MACROD2: variants seen among roughly 807,000 people sequenced by gnomAD.
MACROD2 encodes ADP-ribose glycohydrolase MACROD2.
A neutral mutation model predicts 70.4 loss-of-function variants in MACROD2; 36 were observed. That is an observed-to-expected ratio of 0.51 (90% CI 0.39 to 0.68). The LOEUF (loss-of-function observed/expected upper bound fraction) is 0.68, where lower values mean the gene tolerates loss of function less well. Ranked by LOEUF, MACROD2 falls within the 30% of genes least tolerant of loss-of-function variation. The pLI, the probability that MACROD2 is intolerant of heterozygous loss-of-function variation, is 0.00. For missense variants in MACROD2, 496 were observed against 538.4 expected, an observed-to-expected ratio of 0.92 and a Z score of 0.78; for synonymous variants, 172 against 178.8, an observed-to-expected ratio of 0.96 and a Z score of 0.30.
chr20:14,169,453 T>G (rs1174626764), intron 3 of MACROD2, among the ~76,000 whole-genome samples: 2 of 151,292 alleles, frequency 1.3e-5, no homozygotes, highest in African/African-American at 4.9e-5. Context: ...TACAGGCATG[T>G]GCCACCACGC....
intron 10 of MACROD2, among the ~76,000 whole-genome samples, chr20:15,886,207 C>T (rs2064820122): frequency 6.6e-6 from 1 of 152,142 alleles, no homozygotes; most frequent in Admixed American, 6.5e-5. Flanking sequence ...AAGCTGGGAC[C>T]ATCTGAAGAT....
chr20:15,943,627 A>G (rs767606883), intron 12 of MACROD2, among the ~76,000 whole-genome samples: 3 of 152,140 alleles, frequency 2.0e-5, no homozygotes, highest in Non-Finnish European at 4.4e-5. Context: ...TACATTTATA[A>G]CAATGTAGTC....
chr20:15,262,883 A>T (rs2077261157), intron 6 of MACROD2, among the ~76,000 whole-genome samples: 1 of 151,494 alleles, frequency 6.6e-6, no homozygotes, highest in Non-Finnish European at 1.5e-5. Flanking sequence ...TGGCCAGATT[A>T]TTAGTTTTAT....
intron 9 of MACROD2, among the ~76,000 whole-genome samples, chr20:15,869,864 G>A (rs1168865880): frequency 6.6e-6 from 1 of 151,912 alleles, no homozygotes; most frequent in Non-Finnish European, 1.5e-5. Flanking sequence ...CTCAAATATT[G>A]ACAGACATGT....
At chr20:15,496,513 A>G (rs902321751) in intron 7 of MACROD2, among the ~76,000 whole-genome samples, 1 of 152,224 alleles carries the variant, frequency 6.6e-6, no homozygotes, top group African/African-American at 2.4e-5. Flanking sequence ...CCATGGTTCT[A>G]TGACAACTTG....
chr20:14,180,246 T>C (rs1423266957), intron 3 of MACROD2, among the ~76,000 whole-genome samples: 2 of 152,154 alleles, frequency 1.3e-5, no homozygotes, highest in South Asian at 4.1e-4. Context: ...TTGTTGCTTA[T>C]TATAGCTGAA....
intron 3 of MACROD2, among the ~76,000 whole-genome samples, chr20:14,215,335 TATACACACAC>T (rs1185321550): frequency 0.015 from 1,476 of 101,724 alleles, 15 homozygotes; most frequent in South Asian, 0.055. Flanking sequence ...TGCCATCATA[TATACACACAC>T]ACACACACAC....
chr20:14,318,685 C>T (rs1440846171), intron 3 of MACROD2, among the ~76,000 whole-genome samples: 1 of 152,070 alleles, frequency 6.6e-6, no homozygotes, highest in East Asian at 1.9e-4. Flanking sequence ...TAAGAGTTTC[C>T]ACCCACCTCT....
intron 6 of MACROD2, among the ~76,000 whole-genome samples, chr20:15,365,771 A>G (rs1175478701): frequency 6.6e-6 from 1 of 152,196 alleles, no homozygotes; most frequent in Non-Finnish European, 1.5e-5. Flanking sequence ...TTGATAAATT[A>G]CATTTCTTTA....
intron 3 of MACROD2, among the ~76,000 whole-genome samples, chr20:14,423,411 T>C (rs116394159): frequency 0.015 from 2,278 of 151,784 alleles, 48 homozygotes; most frequent in African/African-American, 0.051. Flanking sequence ...GTTTAAGAAC[T>C]TGATGCGGCC....
chr20:15,236,090 A>G (rs963750632), intron 6 of MACROD2, among the ~76,000 whole-genome samples: 7 of 152,226 alleles, frequency 4.6e-5, no homozygotes, highest in South Asian at 4.1e-4. Context: ...ACAGCAGTGT[A>G]TTCCTATACA....
chr20:14,260,121 G>T (rs1213931019), intron 3 of MACROD2, among the ~76,000 whole-genome samples: 1 of 152,132 alleles, frequency 6.6e-6, no homozygotes, highest in Non-Finnish European at 1.5e-5. Flanking sequence ...GATATTAGTA[G>T]AAATGCCACA....
rs1463409873 is a variant in MACROD2 at position 14,619,498 on chromosome 20, AGGAAGGAAGGAGGAAAGGAGGGAAGG to A, written c.302-65344_302-65319del. Reference sequence around the variant, plus strand: ...AGGAAAGGAAGGAAGGAGGGAGGGGAGGAAGGAAGGAGGAAAGGAGGGAAGGAGGGAGGGAAGGAAGGAAGGAAAGA... The same window carrying A: ...AGGAAAGGAAGGAAGGAGGGAGGGGAAGGGAGGGAAGGAAGGAAGGAAAGA... On this transcript the variant is annotated intron_variant, in intron 4 of 17. Coordinates refer to ENST00000684519, the MANE Select transcript of MACROD2 (RefSeq NM_001351661.2). Among the ~76,000 whole-genome samples, 12 of 105,270 alleles carry A rather than the reference AGGAAGGAAGGAGGAAAGGAGGGAAGG, an allele frequency of 1.1e-4. No homozygotes were observed. The South Asian group carries it at 1.6e-3, about 14-fold the overall frequency. 69.1% of individuals were successfully genotyped at this position (105,270 alleles called of 152,430 possible).
chr20:14,983,697 T>C (rs1484616509), intron 5 of MACROD2, among the ~76,000 whole-genome samples: 2 of 152,136 alleles, frequency 1.3e-5, no homozygotes, highest in Admixed American at 1.3e-4. Context: ...TAAACCCCTT[T>C]CTTTTGTAAA....
At chr20:14,786,513 A>G (rs2072376413) in intron 5 of MACROD2, among the ~76,000 whole-genome samples, 1 of 151,940 alleles carries the variant, frequency 6.6e-6, no homozygotes, top group Non-Finnish European at 1.5e-5. Context: ...TTCAAAAGAA[A>G]TTGAGCTGAA....
At chr20:15,230,212 A>G in intron 6 of MACROD2, 151 bp downstream of exon 6, 1 of 636,636 alleles carries the variant, frequency 1.6e-6, no homozygotes, top group East Asian at 3.0e-5. Context: ...TCATGACTCT[A>G]ATCTTTGATG....
chr20:15,800,670 C>G (rs1224277766), intron 8 of MACROD2, among the ~76,000 whole-genome samples: 2 of 152,084 alleles, frequency 1.3e-5, no homozygotes, highest in Non-Finnish European at 2.9e-5. Context: ...GCCCGGCCAC[C>G]ACCCCGTCTG....
intron 5 of MACROD2, among the ~76,000 whole-genome samples, chr20:14,746,039 A>G (rs556331005): frequency 3.9e-5 from 6 of 152,140 alleles, no homozygotes; most frequent in Non-Finnish European, 7.4e-5. Flanking sequence ...GCTGCTCTCA[A>G]ATTACCACCT....
At chr20:14,989,716 T>C (rs1600916055) in intron 5 of MACROD2, among the ~76,000 whole-genome samples, 1 of 152,136 alleles carries the variant, frequency 6.6e-6, no homozygotes, top group Non-Finnish European at 1.5e-5. Flanking sequence ...AATGAGCATA[T>C]AATAAGGTCC....
Sources: gnomAD v4.1 joint callset for allele counts (sites outside exome capture counted in the v4.1 genomes callset) on GRCh38, gnomAD v4.1.1 for gene constraint, MANE v1.5 for transcripts, NCBI Gene and HGNC (gene_info 2026-07-23, HGNC 2026-07-21) for gene names.